ZNF827: variants seen among roughly 807,000 people sequenced by gnomAD.
The protein encoded by ZNF827 is zinc finger protein 827.
A neutral mutation model predicts 102.4 loss-of-function variants in ZNF827; 13 were observed. That is an observed-to-expected ratio of 0.13 (90% confidence interval 0.08 to 0.20). ZNF827 has a LOEUF of 0.20. ZNF827 is among the 10% of genes least tolerant of loss of function. The pLI is 1.00. For missense variants in ZNF827, 1,103 were observed against 1,344.4 expected, an observed-to-expected ratio of 0.82 and a Z score of 2.81; for synonymous variants, 523 against 536.2, an observed-to-expected ratio of 0.98 and a Z score of 0.34.
intron 8 of ZNF827, among the ~76,000 whole-genome samples, chr4:145,793,283 A>ATATATATATCTTATATATACT (rs1308132442): frequency 7.4e-6 from 1 of 134,980 alleles, no homozygotes; most frequent in Non-Finnish European, 1.6e-5. Context: ...TATATATAAT[A>ATATATATATCTTATATATACT]TATATATGAT....
At chr4:145,770,098 G>A (rs1736014765) in intron 11 of ZNF827, among the ~76,000 whole-genome samples, 1 of 152,054 alleles carries the variant, frequency 6.6e-6, no homozygotes, top group Admixed American at 6.6e-5. Flanking sequence ...AGGAGTTTGA[G>A]ACCAGCCTGG....
intron 1 of ZNF827, 119 bp from the exon 2 acceptor site, chr4:145,903,334 A>C (rs1751581592): frequency 1.4e-6 from 2 of 1,443,556 alleles, no homozygotes; most frequent in Non-Finnish European, 1.8e-6. Flanking sequence ...ACCAAATGAA[A>C]GGTGGCAACA....
intron 2 of ZNF827, among the ~76,000 whole-genome samples, chr4:145,899,741 C>T (rs1342127842): frequency 6.6e-6 from 1 of 152,110 alleles, no homozygotes; most frequent in East Asian, 1.9e-4. Flanking sequence ...GATGAAGCTG[C>T]TTCTTCAAGT....
chr4:145,837,019 C>G (rs1744910253), intron 7 of ZNF827, among the ~76,000 whole-genome samples: 1 of 152,192 alleles, frequency 6.6e-6, no homozygotes, highest in Non-Finnish European at 1.5e-5. Context: ...ACCTCTTAGT[C>G]TAGGTAGATA....
chr4:145,834,536 C>T (rs950941667), intron 7 of ZNF827, among the ~76,000 whole-genome samples: 1 of 152,118 alleles, frequency 6.6e-6, no homozygotes, highest in African/African-American at 2.4e-5. Flanking sequence ...AGTTTCGTTC[C>T]GTGACTAGCC....
At chr4:145,866,780 T>C (rs1748247053) in intron 5 of ZNF827, among the ~76,000 whole-genome samples, 1 of 152,222 alleles carries the variant, frequency 6.6e-6, no homozygotes, top group Non-Finnish European at 1.5e-5. Flanking sequence ...CATGGAAACA[T>C]GTAACTCCCC....
intron 3 of ZNF827, among the ~76,000 whole-genome samples, chr4:145,887,511 T>C (rs1750216569): frequency 6.6e-6 from 1 of 152,090 alleles, no homozygotes; most frequent in Admixed American, 6.5e-5. Context: ...ACAGAAGAGA[T>C]TCTGGGTCCC....
chr4:145,862,357 T>C (rs1327533855), intron 5 of ZNF827, among the ~76,000 whole-genome samples: 1 of 152,202 alleles, frequency 6.6e-6, no homozygotes, highest in Non-Finnish European at 1.5e-5. Context: ...AGAGAAGATT[T>C]CTCTGGGTAT....
chr4:145,765,438 C>T lies in ZNF827; in HGVS notation c.3052+109G>A. ...TAGGTGAGGCCCAGCATACTGCATC[C>T]TGGGCCTATTATCAGTTTTTGACAT... On this transcript the variant is annotated intron_variant, in intron 12 of 14. Coordinates refer to ENST00000508784, the MANE Select transcript of ZNF827 (RefSeq NM_001306215.2). The surrounding 1 kb of genome is among the most constrained non-coding windows in gnomAD (Gnocchi z 4.7). The T allele has an allele frequency of 7.5e-7, 1 of 1,331,630 alleles. No individual in the cohort carries two copies. The highest frequency in any genetic ancestry group is 1.5e-5 in the South Asian group (1 of 66,640). The allele number at this position is 1,331,630 out of a possible 1,614,324, so 82.5% of individuals were successfully genotyped here.
At chr4:145,789,687 A>G in intron 8 of ZNF827, among the ~76,000 whole-genome samples, 1 of 152,216 alleles carries the variant, frequency 6.6e-6, no homozygotes, top group East Asian at 1.9e-4. Flanking sequence ...ACCATTTATT[A>G]CATTATACTA....
chr4:145,927,528 G>A (rs1445033658), intron 1 of ZNF827, among the ~76,000 whole-genome samples: 1 of 152,166 alleles, frequency 6.6e-6, no homozygotes. Context: ...AATACTATTG[G>A]CAGCAGAGGT....
rs959130432 is a variant in ZNF827 at position 145,886,003 on chromosome 4, G to T, written c.1422C>A (p.Val474=). 2 of 1,614,032 alleles carry T rather than the reference G, an allele frequency of 1.2e-6. No individual in the cohort carries two copies. Among genetic ancestry groups the T allele is most frequent in the Non-Finnish European group, 1.7e-6 (2 of 1,180,026 alleles). The change falls in exon 4 of 15, where the codon GTC becomes GTA. Residue 474 remains valine, a synonymous_variant. Transcript: ENST00000508784. ...KVKEEIPDPD[V]KGSPHLSDSA... ...TGTCACTGAGGTGGGGAGATCCCTT[G>T]ACATCTGGGTCTGGGATCTCCTCCT...
chr4:145,877,039 C>G (rs1027952988), intron 4 of ZNF827, among the ~76,000 whole-genome samples: 2 of 151,902 alleles, frequency 1.3e-5, no homozygotes, highest in Non-Finnish European at 2.9e-5. Flanking sequence ...CACCAAATAG[C>G]AACTTTTTTT....
intron 9 of ZNF827, 131 bp from the exon 10 acceptor site, chr4:145,776,091 T>C: frequency 5.0e-6 from 5 of 1,003,160 alleles, no homozygotes; most frequent in South Asian, 4.8e-5. Flanking sequence ...ACAATGGTAA[T>C]GCCTAGGAAT....
chr4:145,764,987 CT>C lies in ZNF827; in HGVS notation c.3230del (p.Asn1077ThrfsTer46). On this transcript the variant is annotated frameshift_variant and splice_region_variant, in exon 13 of 15. Transcript: ENST00000508784. LOFTEE classifies it high-confidence loss of function. ...KCHTVPTGGL[N>X]SGQW ...AAAGGTTCTGTACTTGCTTTCCTTA[CT>C]TGAGCCCACCGGTGGGGACAGTGTG... 6.2e-7 allele frequency: 1 copy of C among 1,611,978 alleles called. No homozygotes were observed. The highest frequency in any genetic ancestry group is 1.1e-5 in the South Asian group (1 of 90,694).
intron 1 of ZNF827, among the ~76,000 whole-genome samples, chr4:145,933,086 A>G (rs1002121195): frequency 6.6e-6 from 1 of 152,270 alleles, no homozygotes; most frequent in African/African-American, 2.4e-5. Flanking sequence ...AGATGGCAGC[A>G]TGCAGGTAAA....
In ZNF827 at chr4:145,834,344, T is replaced by C. The variant is rs1164282892; in HGVS notation, c.2280-10819A>G. ...TCCCTCCCGCCTGTCCCCTCAGTATTAACCCCAAGCGTCGCTGAGTCTTTC... is the reference window on the plus strand; with the variant it reads ...TCCCTCCCGCCTGTCCCCTCAGTATCAACCCCAAGCGTCGCTGAGTCTTTC... On this transcript the variant is annotated intron_variant, in intron 7 of 14. Transcript: ENST00000508784. 4.4e-4 allele frequency among the ~76,000 whole-genome samples: 67 copies of C among 152,206 alleles called. 1 individual carries two copies. The East Asian group carries it at 0.013, about 28-fold the overall frequency.
chr4:145,790,655 C>G (rs1739551918), intron 8 of ZNF827, among the ~76,000 whole-genome samples: 1 of 152,160 alleles, frequency 6.6e-6, no homozygotes, highest in Non-Finnish European at 1.5e-5. Context: ...TTCTAGTCTT[C>G]TTTTCTTATG....
In ZNF827 at chr4:145,885,882, C is replaced by T. The variant is rs1579476692; in HGVS notation, c.1543G>A (p.Ala515Thr). Residue 515 changes from alanine (A) to threonine (T), a missense_variant, in exon 4 of 15, where the codon GCT becomes ACT. Coordinates refer to ENST00000508784, the MANE Select transcript of ZNF827 (RefSeq NM_001306215.2). ...TTCACCAGCAAAGGCGAGACGCCAG[C>T]CCCTCCCTGGCTAGTCCTCTCTGGA... ...NTPERTSQGG[A>T]GVSPLLVKEE... The T allele has an allele frequency of 6.2e-7, 1 of 1,614,238 alleles. No homozygotes were observed.
Sources: allele counts gnomAD v4.1 joint callset (sites outside exome capture counted in the v4.1 genomes callset), GRCh38; gene constraint gnomAD v4.1.1; non-coding constraint Gnocchi (gnomAD v3.1); transcripts MANE v1.5; gene names NCBI Gene and HGNC (gene_info 2026-07-23, HGNC 2026-07-21).